TSPAN14: variants seen among roughly 807,000 people sequenced by gnomAD.
TSPAN14 encodes tetraspanin 14.
A neutral mutation model predicts 36.6 loss-of-function variants in TSPAN14; 16 were observed. The observed-to-expected ratio is 0.44, with a 90% confidence interval of 0.30 to 0.66. The LOEUF is 0.66. TSPAN14 is among the 30% of genes least tolerant of loss of function. The pLI is 0.12. For synonymous variants in TSPAN14, 139 were observed against 143.8 expected, an observed-to-expected ratio of 0.97 and a Z score of 0.24; for missense variants, 231 against 355.1, an observed-to-expected ratio of 0.65 and a Z score of 2.81.
intron 1 of TSPAN14, among the ~76,000 whole-genome samples, chr10:80,479,905 T>A (rs901907039): frequency 6.7e-6 from 1 of 149,302 alleles, no homozygotes; most frequent in African/African-American, 2.5e-5. Context: ...TTTCATGATA[T>A]TGATTCTTCC....
At chr10:80,507,591 G>T (rs1338414688) in intron 4 of TSPAN14, among the ~76,000 whole-genome samples, 1 of 152,214 alleles carries the variant, frequency 6.6e-6, no homozygotes, top group Non-Finnish European at 1.5e-5. Context: ...TTTAGCCCTG[G>T]GTGGGAGGAG....
exon 8 of TSPAN14, chr10:80,516,285 A>T (rs762853274): frequency 2.5e-6 from 4 of 1,614,198 alleles, no homozygotes; most frequent in Non-Finnish European, 3.4e-6. Context: ...GAACATTTAC[A>T]TTGTGGCTGG....
At chr10:80,476,904 C>A (rs1036267311) in intron 1 of TSPAN14, among the ~76,000 whole-genome samples, 1 of 152,172 alleles carries the variant, frequency 6.6e-6, no homozygotes, top group Non-Finnish European at 1.5e-5. Flanking sequence ...TCTCACAAAG[C>A]CCAAATCAAA....
intron 2 of TSPAN14, among the ~76,000 whole-genome samples, chr10:80,491,271 C>T (rs576280469): frequency 9.2e-5 from 14 of 152,264 alleles, no homozygotes; most frequent in African/African-American, 2.4e-4. Flanking sequence ...CCTCTTAATG[C>T]GGGAGTCCAT....
At chr10:80,506,631 A>G (rs538870104) in intron 3 of TSPAN14, among the ~76,000 whole-genome samples, 38 of 152,362 alleles carry the variant, frequency 2.5e-4, no homozygotes, top group African/African-American at 7.9e-4. Flanking sequence ...TTAAATTGAA[A>G]TTGAATATAA....
intron 3 of TSPAN14, 40 bp from the exon 4 acceptor site, chr10:80,507,187 CT>C: frequency 6.2e-7 from 1 of 1,613,490 alleles, no homozygotes; most frequent in Non-Finnish European, 8.5e-7. Context: ...CTTGACTCCC[CT>C]TCTGGGCCAG....
chr10:80,487,216 C>T (rs564732487), intron 1 of TSPAN14, among the ~76,000 whole-genome samples: 22 of 152,004 alleles, frequency 1.4e-4, no homozygotes, highest in African/African-American at 5.1e-4. Flanking sequence ...TCAACAGGCC[C>T]GTCTACCTTG....
rs1840523457 is a variant in TSPAN14, at chr10:80,509,871, A to ATCCCCTTCCTCCCCGGGACCTTT, written c.450+414_450+436dup. 2 of 163,294 alleles carry ATCCCCTTCCTCCCCGGGACCTTT rather than the reference A, an allele frequency of 1.2e-5. No individual in the cohort carries two copies. The highest frequency in any genetic ancestry group is 2.7e-5 in the Non-Finnish European group (2 of 74,920). The allele number at this position is 163,294 out of a possible 1,614,324, so 10.1% of individuals were successfully genotyped here. On this transcript the variant is annotated intron_variant, in intron 5 of 8. Coordinates refer to ENST00000429989, the Ensembl canonical transcript of TSPAN14. This position sits in a 1 kb window ranked among gnomAD's most constrained non-coding sequence, Gnocchi z 4.7. The stretch of plus-strand genomic sequence containing the variant: ...TGACTCACCATCTGACGCTATTCCT[A>ATCCCCTTCCTCCCCGGGACCTTT]TCCCCTTCCTCCCCGGGACCTTTTC...
At chr10:80,507,233 G>C in exon 4 of TSPAN14, 1 of 1,614,218 alleles carries the variant, frequency 6.2e-7, no homozygotes, top group South Asian at 1.1e-5. Context: ...TTCAGGGTGT[G>C]CTGTCCGACC....
At chr10:80,472,095 G>A (rs10749603) in intron 1 of TSPAN14, among the ~76,000 whole-genome samples, 65,721 of 151,860 alleles carry the variant, frequency 0.43, 15,333 homozygotes, top group East Asian at 0.86. Flanking sequence ...CTGTGACGGT[G>A]CCACTGCACT....
At chr10:80,484,291 T>C (rs1363609355) in intron 1 of TSPAN14, among the ~76,000 whole-genome samples, 3 of 152,116 alleles carry the variant, frequency 2.0e-5, no homozygotes, top group Non-Finnish European at 4.4e-5. Context: ...TTAAGTTTTA[T>C]TTCTAGTGAC....
At chr10:80,517,834 C>T in intron 8 of TSPAN14, 71 bp from the exon 9 acceptor site, 2 of 1,472,212 alleles carry the variant, frequency 1.4e-6, no homozygotes, top group Non-Finnish European at 1.9e-6. Context: ...CTCCCAACCC[C>T]ACCCTCCGCT....
chr10:80,505,057 A>G (rs9633739), intron 3 of TSPAN14, among the ~76,000 whole-genome samples: 83,291 of 152,056 alleles, frequency 0.55, 22,964 homozygotes, highest in East Asian at 0.83. Context: ...GGCTTGGGCA[A>G]TCCAGCTTCC....
intron 2 of TSPAN14, among the ~76,000 whole-genome samples, chr10:80,494,139 T>A (rs559581921): frequency 4.6e-4 from 70 of 152,268 alleles, no homozygotes; most frequent in Middle Eastern, 3.4e-3. Context: ...TTTAAAAAAA[T>A]TTTTTTTAAA....
intron 1 of TSPAN14, among the ~76,000 whole-genome samples, chr10:80,466,733 C>T (rs774808481): frequency 5.3e-5 from 8 of 152,172 alleles, no homozygotes; most frequent in Admixed American, 3.9e-4. Flanking sequence ...TGAGTGTCTG[C>T]GTCCTGGGAA....
In TSPAN14 at chr10:80,491,566, T is replaced by C. The variant is rs2132017232; in HGVS notation, c.81+2252T>C. On this transcript the variant is annotated intron_variant, in intron 2 of 8. Coordinates refer to ENST00000429989, the Ensembl canonical transcript of TSPAN14. ...CTACTGCTGTGGCTGAGGGCCCTGGTATCTTCATTTCTTCAGAGGGTTTCA... is the reference window on the plus strand; with the variant it reads ...CTACTGCTGTGGCTGAGGGCCCTGGCATCTTCATTTCTTCAGAGGGTTTCA... Among the ~76,000 whole-genome samples the C allele has an allele frequency of 1.3e-5, 2 of 152,300 alleles. 1 individual carries two copies. Among genetic ancestry groups the C allele is most frequent in the South Asian group, 4.1e-4 (2 of 4,826 alleles).
chr10:80,497,292 C>T (rs889243283), intron 2 of TSPAN14, among the ~76,000 whole-genome samples: 4 of 152,150 alleles, frequency 2.6e-5, no homozygotes, highest in African/African-American at 9.7e-5. Flanking sequence ...GGATGACATC[C>T]CATCTTTCCT....
intron 1 of TSPAN14, among the ~76,000 whole-genome samples, chr10:80,482,732 C>CTTTTTTTTT (rs34769982): frequency 9.0e-6 from 1 of 110,548 alleles, no homozygotes; most frequent in East Asian, 2.2e-4. Context: ...TTTTCTTTTC[C>CTTTTTTTTT]TTTTTTTTTT....
At chr10:80,494,049 A>G (rs1016216258) in intron 2 of TSPAN14, among the ~76,000 whole-genome samples, 5 of 152,242 alleles carry the variant, frequency 3.3e-5, no homozygotes, top group Non-Finnish European at 5.9e-5. Flanking sequence ...TCAGAGATGG[A>G]TTAAAAGTGA....
Sources: allele counts gnomAD v4.1 joint callset (sites outside exome capture counted in the v4.1 genomes callset), GRCh38; gene constraint gnomAD v4.1.1; non-coding constraint Gnocchi (gnomAD v3.1); transcripts MANE v1.5; gene names NCBI Gene and HGNC (gene_info 2026-07-23, HGNC 2026-07-21).